RAD21: variants seen among roughly 807,000 people sequenced by gnomAD.
The protein encoded by RAD21 is RAD21 cohesin complex component, also known as double-strand-break repair protein rad21 homolog.
RAD21 carries 18 observed loss-of-function variants against 71.5 expected under a neutral mutation model. The ratio of observed to expected loss-of-function variants is 0.25; its 90% CI spans 0.17 to 0.37. RAD21 has a LOEUF of 0.37. Ranked by LOEUF, RAD21 falls within the 10% of genes least tolerant of loss-of-function variation. The pLI is 1.00. For synonymous variants in RAD21, 248 were observed against 254.0 expected (o/e 0.98, Z 0.22); for missense variants, 493 against 769.1 (o/e 0.64, Z 4.25).
chr8:116,848,877 T>A (rs748266337), intron 13 of RAD21, 69 bp downstream of exon 13: 4 of 1,319,146 alleles, frequency 3.0e-6, no homozygotes, highest in Non-Finnish European at 4.1e-6. Flanking sequence ...ATCTAACTTT[T>A]TTTTTTTCAG....
Position 116,851,936 on chromosome 8 carries a change from T to G in RAD21, c.1470+12A>C. On this transcript the variant is annotated intron_variant, in intron 11 of 13. Transcript: ENST00000297338. ...CCTTCAAATGACTTAATGGATAGAT[T>G]TGCTTACTTACAGGCATCACAGGCT... 3 of 1,601,208 alleles carry G rather than the reference T, an allele frequency of 1.9e-6. No individual in the cohort carries two copies. The highest frequency in any genetic ancestry group is 2.6e-6 in the Non-Finnish European group (3 of 1,170,504).
chr8:116,850,584 C>T lies in RAD21; in HGVS notation c.1620+34G>A, dbSNP rs758208344. Reference sequence around the variant, plus strand: ...AAATAAAGCTGGTTGGAGGTTTTTGCTAAATCTGGAATGAAAATTATTAAT... The same window carrying T: ...AAATAAAGCTGGTTGGAGGTTTTTGTTAAATCTGGAATGAAAATTATTAAT... On this transcript the variant is annotated intron_variant, in intron 12 of 13. Transcript: ENST00000297338. 1.3e-5 allele frequency: 20 copies of T among 1,594,226 alleles called. 1 individual carries two copies. In the East Asian group the frequency reaches 3.8e-4, roughly 30 times the overall value.
At chr8:116,868,116 C>G (rs1812734777) in intron 1 of RAD21, among the ~76,000 whole-genome samples, 1 of 152,166 alleles carries the variant, frequency 6.6e-6, no homozygotes. Context: ...GATCACAGCT[C>G]ACTGCAGCCT....
intron 13 of RAD21, among the ~76,000 whole-genome samples, chr8:116,848,082 T>C (rs767838194): frequency 1.3e-5 from 2 of 152,230 alleles, no homozygotes; most frequent in African/African-American, 4.8e-5. Context: ...TTGTATAGTC[T>C]GCAGAACTGT....
In RAD21 at chr8:116,852,020, T is replaced by G. The variant is rs577535772; in HGVS notation, c.1398A>C (p.Ser466=). 3 of 1,613,402 alleles carry G rather than the reference T, an allele frequency of 1.9e-6. No homozygotes were observed. In the African/African-American group the frequency reaches 4.0e-5, roughly 21 times the overall value. The part of the protein sequence containing the change: ...MEASRTNIDE[S]AMPPPPPQGV... ...CCTGAGGTGGTGGTGGAGGCATAGC[T>G]GACTCATCTATGTTTGTTCTGCTGG... The change falls in exon 11 of 14, where the codon TCA becomes TCC. Residue 466 remains serine (S), a synonymous_variant. Coordinates refer to ENST00000297338, the MANE Select transcript of RAD21 (RefSeq NM_006265.3).
At chr8:116,870,710 CA>C (rs1812803688) in intron 1 of RAD21, among the ~76,000 whole-genome samples, 1 of 152,168 alleles carries the variant, frequency 6.6e-6, no homozygotes, top group South Asian at 2.1e-4. Flanking sequence ...TGGAAGCAAG[CA>C]ACTGTATCCT....
At chr8:116,855,499 T>C (rs1006313763) in intron 8 of RAD21, among the ~76,000 whole-genome samples, 1 of 152,140 alleles carries the variant, frequency 6.6e-6, no homozygotes, top group African/African-American at 2.4e-5. Flanking sequence ...TTTTTAAATT[T>C]AAAAAAATTT....
intron 9 of RAD21, among the ~76,000 whole-genome samples, chr8:116,853,768 C>T (rs1238749975): frequency 2.6e-5 from 4 of 152,004 alleles, no homozygotes; most frequent in Non-Finnish European, 5.9e-5. Context: ...TCACCAGACA[C>T]CTGTGAGTCT....
chr8:116,847,248 T>C lies in RAD21; in HGVS notation c.*252A>G. 2.4e-6 allele frequency: 1 copy of C among 411,432 alleles called. No homozygotes were observed. Among genetic ancestry groups the C allele is most frequent in the Non-Finnish European group, 4.3e-6 (1 of 230,052 alleles). 25.5% of individuals were successfully genotyped at this position (411,432 alleles called of 1,614,324 possible). Reference sequence around the variant, plus strand: ...AATATTGCACACATCTGTTCTGAACTGTTAAAATCATCTTCTGAGTCCTTG... The same window carrying C: ...AATATTGCACACATCTGTTCTGAACCGTTAAAATCATCTTCTGAGTCCTTG... On this transcript the variant is annotated 3_prime_UTR_variant, in exon 14 of 14. Transcript: ENST00000297338.
chr8:116,850,797 G>A (rs188649748), intron 11 of RAD21, 30 bp from the exon 12 acceptor site: 13 of 1,427,734 alleles, frequency 9.1e-6, no homozygotes, highest in Non-Finnish European at 1.3e-5. Flanking sequence ...GACAATTTAA[G>A]ATATATGCTT....
At chr8:116,855,544 A>T (rs895377719) in intron 8 of RAD21, among the ~76,000 whole-genome samples, 5 of 152,166 alleles carry the variant, frequency 3.3e-5, no homozygotes, top group African/African-American at 1.2e-4. Flanking sequence ...GGCAAATTCT[A>T]AGAGTGCATA....
At chr8:116,864,962 G>A (rs1018466603) in intron 2 of RAD21, among the ~76,000 whole-genome samples, 2 of 152,206 alleles carry the variant, frequency 1.3e-5, no homozygotes, top group East Asian at 1.9e-4. Flanking sequence ...ATGCAAGCTT[G>A]CAGTTGCAAA....
At chr8:116,862,013 G>T in intron 3 of RAD21, 73 bp from the exon 4 acceptor site, 1 of 1,165,658 alleles carries the variant, frequency 8.6e-7, no homozygotes, top group Non-Finnish European at 1.3e-6. Flanking sequence ...AGATAAGTAG[G>T]TATAACTTCC....
chr8:116,865,242 A>G (rs763298333), intron 2 of RAD21, among the ~76,000 whole-genome samples: 3 of 152,104 alleles, frequency 2.0e-5, no homozygotes, highest in Non-Finnish European at 2.9e-5. Context: ...TTCAATTATC[A>G]GATTGTCTCA....
At chr8:116,849,516 A>G (rs1338142396) in intron 12 of RAD21, 1 of 152,738 alleles carries the variant, frequency 6.5e-6, no homozygotes, top group East Asian at 1.9e-4. Context: ...GAGCCTGCAG[A>G]CTACCTAAGT....
chr8:116,849,308 A>G (rs976158496), intron 12 of RAD21: 2 of 337,454 alleles, frequency 5.9e-6, no homozygotes, highest in African/African-American at 2.1e-5. Flanking sequence ...TACACACACT[A>G]TGTGGTCTGT....
intron 1 of RAD21, 114 bp from the exon 2 acceptor site, chr8:116,866,875 T>C (rs1039256241): frequency 6.6e-6 from 4 of 604,064 alleles, no homozygotes; most frequent in South Asian, 5.2e-5. Flanking sequence ...TATAAAATGC[T>C]TGAGTAAATG....
intron 1 of RAD21, among the ~76,000 whole-genome samples, chr8:116,869,228 T>C (rs556566848): frequency 2.1e-4 from 32 of 152,230 alleles, no homozygotes; most frequent in African/African-American, 7.2e-4. Context: ...AACTCAGATA[T>C]AGAATATGTA....
chr8:116,856,068 G>C (rs907980924), intron 8 of RAD21, 98 bp downstream of exon 8: 1 of 1,356,186 alleles, frequency 7.4e-7, no homozygotes, highest in African/African-American at 1.5e-5. Flanking sequence ...AAGAAGCCTA[G>C]TTATCTAATA....
Sources: gnomAD v4.1 joint callset for allele counts (sites outside exome capture counted in the v4.1 genomes callset) on GRCh38, gnomAD v4.1.1 for gene constraint, MANE v1.5 for transcripts, NCBI Gene and HGNC (gene_info 2026-07-23, HGNC 2026-07-21) for gene names.